The following NKAIN2 variants were observed in gnomAD, a reference collection of about 807,000 sequenced individuals.
NKAIN2 encodes the protein sodium/potassium-transporting ATPase subunit beta-1-interacting protein 2.
Under a neutral mutation model 32.6 loss-of-function variants are expected in NKAIN2, and 14 were observed. The ratio of observed to expected loss-of-function variants is 0.43; its 90% CI spans 0.28 to 0.67. The LOEUF is 0.67. Among genes scored for constraint, NKAIN2 ranks in the 30% least tolerant of loss-of-function variants. The probability of loss-of-function intolerance (pLI) is 0.17; values close to 1 mark genes in which losing one functional copy is unlikely to be tolerated. For missense variants in NKAIN2, 198 were observed against 258.3 expected, an observed-to-expected ratio of 0.77 and a Z score of 1.60; for synonymous variants, 80 against 87.2, an observed-to-expected ratio of 0.92 and a Z score of 0.46.
chr6:124,255,507 T>C (rs1793885445), intron 1 of NKAIN2, among the ~76,000 whole-genome samples: 1 of 152,230 alleles, frequency 6.6e-6, no homozygotes. Flanking sequence ...GCACAGCTGC[T>C]GGATAACCAT....
At chr6:124,349,181 GA>G (rs961789324) in intron 2 of NKAIN2, among the ~76,000 whole-genome samples, 3 of 151,748 alleles carry the variant, frequency 2.0e-5, no homozygotes, top group African/African-American at 7.3e-5. Flanking sequence ...GGGTGCAAAG[GA>G]AAAAAGGGAA....
intron 1 of NKAIN2, among the ~76,000 whole-genome samples, chr6:124,051,847 T>G (rs995154917): frequency 2.6e-5 from 4 of 152,022 alleles, no homozygotes; most frequent in South Asian, 2.1e-4. Context: ...TAAAAGTTTA[T>G]CTAAGAATTT....
At chr6:124,242,857 G>A (rs551204594) in intron 1 of NKAIN2, among the ~76,000 whole-genome samples, 1 of 151,616 alleles carries the variant, frequency 6.6e-6, no homozygotes, top group South Asian at 2.1e-4. Context: ...ATGGACACAG[G>A]GAGGGGAACA....
intron 3 of NKAIN2, among the ~76,000 whole-genome samples, chr6:124,590,751 T>G (rs576657356): frequency 6.6e-6 from 1 of 152,164 alleles, no homozygotes; most frequent in East Asian, 1.9e-4. Flanking sequence ...TTCGCAGGGG[T>G]TTGAAGAAAA....
chr6:124,494,582 A>G (rs941534292), intron 3 of NKAIN2, among the ~76,000 whole-genome samples: 10 of 152,130 alleles, frequency 6.6e-5, no homozygotes, highest in African/African-American at 1.9e-4. Context: ...TTGTAAATAT[A>G]TTTAAAATCA....
chr6:124,074,048 C>CA lies in NKAIN2; in HGVS notation c.55-208953dup, dbSNP rs1379742492. Among the ~76,000 whole-genome samples, 8 of 152,072 alleles carry CA rather than the reference C, an allele frequency of 5.3e-5. No individual in the cohort carries two copies. In the East Asian group the frequency reaches 1.5e-3, roughly 29 times the overall value. On this transcript the variant is annotated intron_variant, in intron 1 of 6. Coordinates refer to ENST00000368417, the MANE Select transcript of NKAIN2 (RefSeq NM_001040214.3). ...TTTATTACAGTGAAATGATGCAAGG[C>CA]AAAATCAGAAAAGGTAAAAGGTTCA... is the stretch of plus-strand genomic sequence containing the variant.
intron 3 of NKAIN2, among the ~76,000 whole-genome samples, chr6:124,486,947 A>G (rs1436301727): frequency 2.0e-5 from 3 of 152,160 alleles, no homozygotes; most frequent in Non-Finnish European, 2.9e-5. Flanking sequence ...TCAAGGTGAT[A>G]AGTCTTTGGT....
At chr6:124,597,461 C>A (rs752953595) in intron 3 of NKAIN2, among the ~76,000 whole-genome samples, 2 of 151,878 alleles carry the variant, frequency 1.3e-5, no homozygotes, top group African/African-American at 4.8e-5. Context: ...TCTGGCAAAC[C>A]TACTACCTTC....
At chr6:124,363,151 A>T (rs566464549) in intron 3 of NKAIN2, among the ~76,000 whole-genome samples, 3 of 152,216 alleles carry the variant, frequency 2.0e-5, no homozygotes, top group South Asian at 2.1e-4. Flanking sequence ...TTTTATGTGG[A>T]CTACTAAAAT....
chr6:123,851,868 T>C (rs1447371582), intron 1 of NKAIN2, among the ~76,000 whole-genome samples: 1 of 152,250 alleles, frequency 6.6e-6, no homozygotes, highest in African/African-American at 2.4e-5. Context: ...CAATATTTTA[T>C]CCCATTCCAT....
At chr6:124,131,099 T>G (rs80150558) in intron 1 of NKAIN2, among the ~76,000 whole-genome samples, 5,292 of 152,276 alleles carry the variant, frequency 0.035, 180 homozygotes, top group East Asian at 0.11. Flanking sequence ...AAATCAGAAT[T>G]ACTTTACCCT....
intron 1 of NKAIN2, among the ~76,000 whole-genome samples, chr6:124,007,886 C>T (rs2114727562): frequency 6.6e-6 from 1 of 152,192 alleles, no homozygotes; most frequent in East Asian, 1.9e-4. Flanking sequence ...TCTATGCTGC[C>T]AATTGCATGA....
At chr6:124,084,556 A>T (rs1784109832) in intron 1 of NKAIN2, among the ~76,000 whole-genome samples, 1 of 151,942 alleles carries the variant, frequency 6.6e-6, no homozygotes, top group Non-Finnish European at 1.5e-5. Context: ...AGGAATTGAA[A>T]TTTTTTTGTG....
chr6:123,850,441 G>T (rs1474697373), intron 1 of NKAIN2, among the ~76,000 whole-genome samples: 2 of 151,044 alleles, frequency 1.3e-5, no homozygotes, highest in Non-Finnish European at 2.9e-5. Flanking sequence ...ACCAGTCAAT[G>T]TTATCAACAA....
At chr6:123,855,222 A>G (rs115665442) in intron 1 of NKAIN2, among the ~76,000 whole-genome samples, 1,955 of 152,248 alleles carry the variant, frequency 0.013, 45 homozygotes, top group African/African-American at 0.044. Context: ...TTTCATCTCT[A>G]ATTTTTATAA....
intron 1 of NKAIN2, among the ~76,000 whole-genome samples, chr6:123,851,244 A>ATTTTTTTTT (rs59287833): frequency 1.8e-4 from 16 of 88,192 alleles, no homozygotes; most frequent in East Asian, 8.0e-4. Context: ...TGGTGGTTCT[A>ATTTTTTTTT]TTTTTTTTTT....
At chr6:123,809,047 GGTT>G (rs1321035911) in intron 1 of NKAIN2, among the ~76,000 whole-genome samples, 1 of 151,934 alleles carries the variant, frequency 6.6e-6, no homozygotes, top group Non-Finnish European at 1.5e-5. Context: ...CAATTCCAAA[GGTT>G]GTATTTCAGT....
At chr6:123,946,743 C>T (rs563794931) in intron 1 of NKAIN2, among the ~76,000 whole-genome samples, 2 of 152,238 alleles carry the variant, frequency 1.3e-5, no homozygotes, top group Admixed American at 6.5e-5. Flanking sequence ...GATTTTCCTT[C>T]TTTCCCCCTG....
chr6:124,292,295 T>G lies in NKAIN2; in HGVS notation c.192+9153T>G, dbSNP rs184195376. Among the ~76,000 whole-genome samples the G allele has an allele frequency of 8.5e-5, 13 of 152,226 alleles. No homozygotes were observed. The East Asian group carries it at 1.2e-3, about 14-fold the overall frequency. Reference sequence around the variant, plus strand: ...TTTGTCTCTTTCTCCTCCATACATATTATAGACTGGCAATTGCTTCATTCT... The same window carrying G: ...TTTGTCTCTTTCTCCTCCATACATAGTATAGACTGGCAATTGCTTCATTCT... On this transcript the variant is annotated intron_variant, in intron 2 of 6. Coordinates refer to ENST00000368417, the MANE Select transcript of NKAIN2 (RefSeq NM_001040214.3).
Sources: gnomAD v4.1 joint callset for allele counts (sites outside exome capture counted in the v4.1 genomes callset) on GRCh38, gnomAD v4.1.1 for gene constraint, MANE v1.5 for transcripts, NCBI Gene and HGNC (gene_info 2026-07-23, HGNC 2026-07-21) for gene names.